SYNE1: variants seen among roughly 807,000 people sequenced by gnomAD.
SYNE1 encodes the protein nesprin-1.
A neutral mutation model predicts 1,111.0 loss-of-function variants in SYNE1; 616 were observed. The ratio of observed to expected loss-of-function variants is 0.55; its 90% CI spans 0.52 to 0.59. The LOEUF (loss-of-function observed/expected upper bound fraction) is 0.59, where lower values mean the gene tolerates loss of function less well. SYNE1 is among the 20% of genes least tolerant of loss of function. The probability of loss-of-function intolerance (pLI) is 0.00; values close to 1 mark genes in which losing one functional copy is unlikely to be tolerated. For missense variants in SYNE1, 10,006 were observed against 10,417.0 expected (o/e 0.96, Z 1.72); for synonymous variants, 3,855 against 3,825.8 (o/e 1.01, Z -0.28).
At chr6:152,177,618 G>C (rs1165330977) in intron 129 of SYNE1, among the ~76,000 whole-genome samples, 2 of 152,160 alleles carry the variant, frequency 1.3e-5, no homozygotes, top group Admixed American at 1.3e-4. Context: ...TTCCAGGGCT[G>C]ACTGCTGTCC....
At chr6:152,334,322 A>T in intron 76 of SYNE1, 49 bp from the exon 77 acceptor site, 1 of 1,600,982 alleles carries the variant, frequency 6.2e-7, no homozygotes, top group Non-Finnish European at 8.5e-7. Context: ...AGAAATGCCC[A>T]AATAAATATA....
At chr6:152,171,004 T>C (rs1184166938) in intron 130 of SYNE1, among the ~76,000 whole-genome samples, 1 of 152,196 alleles carries the variant, frequency 6.6e-6, no homozygotes, top group African/African-American at 2.4e-5. Context: ...CATTCTCTCC[T>C]GTCTGCCACC....
chr6:152,449,377 A>G (rs994087881), intron 28 of SYNE1, among the ~76,000 whole-genome samples, 156 bp downstream of exon 28: 3 of 152,222 alleles, frequency 2.0e-5, no homozygotes, highest in African/African-American at 7.2e-5. Flanking sequence ...AAAACTCTAC[A>G]TGCTCCACAG....
At position 152,334,170 on chromosome 6, in the gene SYNE1, A is replaced by G. The variant is rs1297457385; in HGVS notation, c.12632T>C (p.Ile4211Thr). The change falls in exon 77 of 146, where the codon ATA becomes ACA. Residue 4211 changes from isoleucine to threonine, a missense_variant. Transcript: ENST00000367255. ...GAGCCACTGATCATTTAAATGATTT[A>G]TTTCCTTGTGTTCAGGCGATTCCTC... ...KKEESPEHKEINHLNDQWLDL... is the reference protein window; with the variant it reads ...KKEESPEHKETNHLNDQWLDL... 1 of 1,614,024 alleles carries G rather than the reference A, an allele frequency of 6.2e-7. No homozygotes were observed. Among genetic ancestry groups the G allele is most frequent in the African/African-American group, 1.3e-5 (1 of 75,024 alleles).
chr6:152,616,445 A>T (rs1270558076), intron 3 of SYNE1, among the ~76,000 whole-genome samples: 5 of 152,110 alleles, frequency 3.3e-5, no homozygotes, highest in African/African-American at 1.2e-4. Context: ...GCATGGTGGC[A>T]TATGCCTGTC....
chr6:152,363,842 G>A (rs572110624), intron 63 of SYNE1: 22 of 444,872 alleles, frequency 4.9e-5, no homozygotes, highest in African/African-American at 3.2e-4. Flanking sequence ...CAGATCCCCT[G>A]CCCTTGGATG....
intron 42 of SYNE1, 96 bp downstream of exon 42, chr6:152,413,256 T>TGTTG (rs1563826867): frequency 3.1e-5 from 40 of 1,280,408 alleles, no homozygotes; most frequent in Non-Finnish European, 3.9e-5. Flanking sequence ...TAAAAGATAT[T>TGTTG]TAACTACTGA....
intron 140 of SYNE1, 119 bp from the exon 141 acceptor site, chr6:152,136,937 T>A: frequency 8.9e-7 from 1 of 1,122,262 alleles, no homozygotes; most frequent in Non-Finnish European, 1.3e-6. Context: ...ACAGGATGGC[T>A]AGGTAAAAGA....
chr6:152,247,602 C>T (rs1359684567), intron 105 of SYNE1, among the ~76,000 whole-genome samples: 3 of 151,228 alleles, frequency 2.0e-5, no homozygotes, highest in African/African-American at 7.3e-5. Flanking sequence ...CGGTGGCTCA[C>T]ACCGGTAATC....
intron 87 of SYNE1, among the ~76,000 whole-genome samples, chr6:152,314,667 T>G (rs2095653397): frequency 6.6e-6 from 1 of 152,084 alleles, no homozygotes; most frequent in Non-Finnish European, 1.5e-5. Context: ...GGACTGTATG[T>G]TTGTTGAATA....
intron 131 of SYNE1, among the ~76,000 whole-genome samples, chr6:152,161,293 A>T (rs1429489782): frequency 6.7e-6 from 1 of 148,422 alleles, no homozygotes; most frequent in African/African-American, 2.5e-5. Context: ...TTACATTACT[A>T]CTATGGTAAT....
At chr6:152,452,304 T>G (rs1054160073) in intron 25 of SYNE1, among the ~76,000 whole-genome samples, 5 of 150,870 alleles carry the variant, frequency 3.3e-5, no homozygotes, top group Admixed American at 6.6e-5. Flanking sequence ...ATCCTAGAGG[T>G]GTGTGTGTGT....
intron 64 of SYNE1, among the ~76,000 whole-genome samples, chr6:152,360,017 T>C (rs1043286166): frequency 2.1e-4 from 32 of 152,192 alleles, no homozygotes; most frequent in African/African-American, 7.7e-4. Context: ...CTCTTTCACT[T>C]GGACTTTGCA....
At chr6:152,423,589 T>C (rs2098303259) in intron 39 of SYNE1, among the ~76,000 whole-genome samples, 1 of 152,188 alleles carries the variant, frequency 6.6e-6, no homozygotes, top group Non-Finnish European at 1.5e-5. Flanking sequence ...CTACTTACAA[T>C]ATACTCTCTA....
chr6:152,586,982 C>T (rs2099541650), intron 3 of SYNE1, among the ~76,000 whole-genome samples: 1 of 152,144 alleles, frequency 6.6e-6, no homozygotes. Context: ...TGTATTAGAA[C>T]ATTCTCCACA....
intron 41 of SYNE1, 132 bp downstream of exon 41, chr6:152,416,254 CT>C: frequency 7.8e-7 from 1 of 1,283,596 alleles, no homozygotes; most frequent in South Asian, 1.2e-5. Context: ...TAATTTCTTT[CT>C]TTTGGCAGAG....
intron 1 of SYNE1, 152 bp from the exon 2 acceptor site, chr6:152,636,957 T>G (rs1230017364): frequency 6.6e-6 from 1 of 152,496 alleles, no homozygotes; most frequent in Non-Finnish European, 1.5e-5. Context: ...TCCTCCCGGC[T>G]GCTCGCTGGG....
At position 152,413,397 on chromosome 6, in the gene SYNE1, C is replaced by A. The variant is rs542032376; in HGVS notation, c.6185G>T (p.Arg2062Leu). ...GGTATCATCCCAGGTGACCTCTAAGCGGTTTATCTCCCTGTCAACTTCAGG... is the reference window on the plus strand; with the variant it reads ...GGTATCATCCCAGGTGACCTCTAAGAGGTTTATCTCCCTGTCAACTTCAGG... The part of the protein sequence containing the change: ...FAPEVDREIN[R>L]LEVTWDDTKR... The change falls in exon 42 of 146, where the codon CGC (arginine) becomes CTC (leucine). Residue 2062 changes from arginine (R) to leucine (L), a missense_variant. By Grantham distance (102) the Arg-to-Leu change is moderately radical (BLOSUM62 -2). Transcript: ENST00000367255. 2.5e-6 allele frequency: 4 copies of A among 1,614,126 alleles called. No individual in the cohort carries two copies. The highest frequency in any genetic ancestry group is 3.4e-6 in the Non-Finnish European group (4 of 1,180,022).
At chr6:152,222,787 C>T (rs909030426) in intron 117 of SYNE1, among the ~76,000 whole-genome samples, 11 of 152,260 alleles carry the variant, frequency 7.2e-5, no homozygotes, top group East Asian at 3.9e-4. Context: ...TTCAGCTACA[C>T]AGGAGGGATA....
Sources: allele counts gnomAD v4.1 joint callset (sites outside exome capture counted in the v4.1 genomes callset), GRCh38; gene constraint gnomAD v4.1.1; transcripts MANE v1.5; gene names NCBI Gene and HGNC (gene_info 2026-07-23, HGNC 2026-07-21).